DLGAP2: variants seen among roughly 807,000 people sequenced by gnomAD.
The protein encoded by DLGAP2 is DLG associated protein 2, also known as disks large-associated protein 2.
A neutral mutation model predicts 100.3 loss-of-function variants in DLGAP2; 26 were observed. That is an observed-to-expected ratio of 0.26 (90% confidence interval 0.19 to 0.36). DLGAP2 has a LOEUF of 0.36. Among genes scored for constraint, DLGAP2 ranks in the 10% least tolerant of loss-of-function variants. The pLI is 1.00. For missense variants in DLGAP2, 1,858 were observed against 1,453.2 expected (o/e 1.28, Z -4.53); for synonymous variants, 886 against 630.1 (o/e 1.41, Z -6.08).
At chr8:1,633,830 A>G (rs1490713149) in intron 8 of DLGAP2, among the ~76,000 whole-genome samples, 1 of 152,204 alleles carries the variant, frequency 6.6e-6, no homozygotes, top group Non-Finnish European at 1.5e-5. Context: ...TATCTTAGAA[A>G]TTTAAAGGAC....
chr8:927,026 C>G (rs1798831248), intron 2 of DLGAP2: 1 of 985,228 alleles, frequency 1.0e-6, no homozygotes. Flanking sequence ...AGAAAGAGCT[C>G]AGAGCCGGGG....
intron 1 of DLGAP2, among the ~76,000 whole-genome samples, chr8:853,471 G>C (rs961423829): frequency 6.6e-6 from 1 of 152,190 alleles, no homozygotes; most frequent in Non-Finnish European, 1.5e-5. Flanking sequence ...TGCACAGATG[G>C]CTTAGGTACA....
At chr8:953,237 C>G (rs1264219466) in intron 2 of DLGAP2, among the ~76,000 whole-genome samples, 1 of 152,056 alleles carries the variant, frequency 6.6e-6, no homozygotes, top group African/African-American at 2.4e-5. Context: ...CTCCATTGCC[C>G]AGGCTGGAGT....
intron 3 of DLGAP2, chr8:1,380,383 G>A (rs555548550): frequency 2.1e-4 from 32 of 152,224 alleles, no homozygotes; most frequent in African/African-American, 7.0e-4. Flanking sequence ...GAAATAAATC[G>A]CAGGTTACTT....
chr8:978,821 TGACAAAAC>T (rs1800245109), intron 2 of DLGAP2, among the ~76,000 whole-genome samples: 1 of 152,160 alleles, frequency 6.6e-6, no homozygotes, highest in Non-Finnish European at 1.5e-5. Context: ...TTGATAAGCT[TGACAAAAC>T]CAGGTTTCTT....
At chr8:1,133,069 GGACA>G (rs1796330728) in intron 2 of DLGAP2, among the ~76,000 whole-genome samples, 1 of 152,196 alleles carries the variant, frequency 6.6e-6, no homozygotes, top group Non-Finnish European at 1.5e-5. Context: ...AGCCTGTGAA[GGACA>G]GTTCAAGGGC....
At chr8:1,423,979 G>T (rs558517645) in intron 3 of DLGAP2, among the ~76,000 whole-genome samples, 34 of 152,340 alleles carry the variant, frequency 2.2e-4, no homozygotes, top group Middle Eastern at 3.4e-3. Context: ...TCACATGACT[G>T]GAATGAATTC....
At position 846,501 on chromosome 8, in the gene DLGAP2, A is replaced by G. The variant is rs141758099; in HGVS notation, c.19-61411A>G. Among the ~76,000 whole-genome samples the G allele has an allele frequency of 9.8e-5, 15 of 152,308 alleles. No individual in the cohort carries two copies. In the East Asian group the frequency reaches 2.7e-3, roughly 27 times the overall value. ...ATGGCTGAATAGTATTCCACTGTCT[A>G]TAAGTACAATATTTTCTTTATCCAT... On this transcript the variant is annotated intron_variant, in intron 1 of 14. Coordinates refer to ENST00000637795, the MANE Select transcript of DLGAP2 (RefSeq NM_001346810.2).
chr8:936,370 T>C (rs2129004364), intron 2 of DLGAP2, among the ~76,000 whole-genome samples: 1 of 152,268 alleles, frequency 6.6e-6, no homozygotes, highest in East Asian at 1.9e-4. Flanking sequence ...GGAAGGATGT[T>C]TGCTGTTGAG....
chr8:784,082 T>G (rs1821774340), intron 1 of DLGAP2, among the ~76,000 whole-genome samples: 1 of 152,200 alleles, frequency 6.6e-6, no homozygotes, highest in South Asian at 2.1e-4. Context: ...AAAAAGTCAT[T>G]GACACTGAAC....
At chr8:843,000 C>T (rs573217965) in intron 1 of DLGAP2, among the ~76,000 whole-genome samples, 18 of 152,290 alleles carry the variant, frequency 1.2e-4, no homozygotes, top group South Asian at 4.1e-4. Flanking sequence ...GCCTCTCTGG[C>T]GGGCTTTCGC....
intron 2 of DLGAP2, among the ~76,000 whole-genome samples, chr8:995,014 G>A (rs891260625): frequency 1.3e-5 from 2 of 152,146 alleles, no homozygotes; most frequent in Non-Finnish European, 2.9e-5. Flanking sequence ...CAAGGTTCTG[G>A]AATAGATTCT....
At chr8:1,456,864 A>G (rs1798331048) in intron 3 of DLGAP2, among the ~76,000 whole-genome samples, 1 of 60,926 alleles carries the variant, frequency 1.6e-5, no homozygotes, top group African/African-American at 5.6e-5. Context: ...GCACTGGTGA[A>G]ATCGGTTTTG....
intron 3 of DLGAP2, among the ~76,000 whole-genome samples, chr8:1,360,419 G>C (rs1167580001): frequency 2.0e-5 from 3 of 152,092 alleles, no homozygotes; most frequent in Non-Finnish European, 4.4e-5. Context: ...AGAGTGCATG[G>C]GTGTCCTCCA....
At chr8:1,357,747 G>T (rs949614617) in intron 3 of DLGAP2, among the ~76,000 whole-genome samples, 1 of 152,196 alleles carries the variant, frequency 6.6e-6, no homozygotes. Context: ...TCCAGCAAGC[G>T]CTGTGTTCTG....
chr8:1,367,774 G>A (rs1323648974), intron 3 of DLGAP2, among the ~76,000 whole-genome samples: 4 of 152,178 alleles, frequency 2.6e-5, no homozygotes, highest in Admixed American at 2.0e-4. Flanking sequence ...AAATCACTCT[G>A]TTGTGTATTT....
In DLGAP2 at chr8:809,557, C is replaced by T. The variant is rs563819053; in HGVS notation, c.18+71732C>T. Among the ~76,000 whole-genome samples, 39 of 151,758 alleles carry T rather than the reference C, an allele frequency of 2.6e-4. No individual in the cohort carries two copies. In the South Asian group the frequency reaches 7.5e-3, roughly 29 times the overall value. On this transcript the variant is annotated intron_variant, in intron 1 of 14. Transcript: ENST00000637795. Reference sequence around the variant, plus strand: ...GAGTCTGTCTAGTTTGAAGTGGTTACTTGATGGTGTGGCATTGGGAAAAGC... The same window carrying T: ...GAGTCTGTCTAGTTTGAAGTGGTTATTTGATGGTGTGGCATTGGGAAAAGC...
chr8:1,276,916 T>A (rs1016854858), intron 3 of DLGAP2, among the ~76,000 whole-genome samples: 1 of 152,218 alleles, frequency 6.6e-6, no homozygotes, highest in African/African-American at 2.4e-5. Flanking sequence ...GAGCAAGGAA[T>A]AGGTGTTTGT....
At chr8:1,349,666 G>A (rs796876669) in intron 3 of DLGAP2, among the ~76,000 whole-genome samples, 3 of 56,250 alleles carry the variant, frequency 5.3e-5, no homozygotes, top group Admixed American at 2.1e-4. Flanking sequence ...AGGGGTGTTT[G>A]AGGGAGACTA....
Sources: allele counts gnomAD v4.1 joint callset (sites outside exome capture counted in the v4.1 genomes callset), GRCh38; gene constraint gnomAD v4.1.1; transcripts MANE v1.5; gene names NCBI Gene and HGNC (gene_info 2026-07-23, HGNC 2026-07-21).